TIAM1: variants seen among roughly 807,000 people sequenced by gnomAD.
TIAM1 encodes TIAM Rac1 associated GEF 1.
A neutral mutation model predicts 163.5 loss-of-function variants in TIAM1; 65 were observed. The observed-to-expected ratio is 0.40, with a 90% CI of 0.33 to 0.49. The LOEUF is 0.49. Among genes scored for constraint, TIAM1 ranks in the 20% least tolerant of loss-of-function variants. The pLI is 0.77. For synonymous variants in TIAM1, 833 were observed against 810.1 expected (o/e 1.03, Z -0.48); for missense variants, 1,789 against 2,044.7 (o/e 0.87, Z 2.41).
chr21:31,142,020 C>T (rs1023144127), intron 20 of TIAM1, among the ~76,000 whole-genome samples: 3 of 152,088 alleles, frequency 2.0e-5, no homozygotes, highest in African/African-American at 7.2e-5. Flanking sequence ...GCACACATCT[C>T]GGCTTCGAGT....
intron 2 of TIAM1, among the ~76,000 whole-genome samples, chr21:31,421,415 C>T (rs915709187): frequency 3.9e-5 from 6 of 152,172 alleles, no homozygotes; most frequent in African/African-American, 1.4e-4. Context: ...AGCTGGGCCA[C>T]ACAGCAGGAG....
At chr21:31,514,063 G>A (rs1439440245) in intron 1 of TIAM1, among the ~76,000 whole-genome samples, 1 of 152,014 alleles carries the variant, frequency 6.6e-6, no homozygotes, top group African/African-American at 2.4e-5. Context: ...GCGACAGAGG[G>A]ACATTTCTGG....
chr21:31,516,598 A>G (rs1350814787), intron 1 of TIAM1, among the ~76,000 whole-genome samples: 1 of 151,686 alleles, frequency 6.6e-6, no homozygotes, highest in African/African-American at 2.4e-5. Flanking sequence ...TTGCCTCATT[A>G]GAGCCACTGA....
intron 2 of TIAM1, among the ~76,000 whole-genome samples, chr21:31,368,113 G>T (rs1267997132): frequency 2.6e-5 from 4 of 152,098 alleles, no homozygotes. Flanking sequence ...TTATTTATAT[G>T]ATATTAAAGA....
At position 31,391,517 on chromosome 21, in the gene TIAM1, C is replaced by T. The variant is rs916976440; in HGVS notation, c.-368-52095G>A. Among the ~76,000 whole-genome samples, 116 of 152,086 alleles carry T rather than the reference C, an allele frequency of 7.6e-4. 2 individuals carry two copies. The highest frequency in any genetic ancestry group is 2.7e-3 in the African/African-American group (110 of 41,496). ...GCAGGCGCCTATAATCCCAGCTACT[C>T]GGGAGGCTGAGGCAGGAGAATCGCT... is the stretch of plus-strand genomic sequence containing the variant. On this transcript the variant is annotated intron_variant, in intron 2 of 28. Coordinates refer to the TIAM1 transcript ENST00000286827.
At chr21:31,245,837 G>A (rs1002493111) in intron 5 of TIAM1, among the ~76,000 whole-genome samples, 177 bp from the exon 6 acceptor site, 1 of 152,174 alleles carries the variant, frequency 6.6e-6, no homozygotes, top group Admixed American at 6.5e-5. Flanking sequence ...CCTAAAGAAG[G>A]ACAAAGATCT....
chr21:31,360,660 T>C (rs1043020330), intron 2 of TIAM1, among the ~76,000 whole-genome samples: 4 of 152,182 alleles, frequency 2.6e-5, no homozygotes, highest in Non-Finnish European at 4.4e-5. Context: ...GGAGATATTA[T>C]GCAGAATAAT....
chr21:31,520,285 C>T (rs575040150), intron 1 of TIAM1, among the ~76,000 whole-genome samples: 13 of 150,278 alleles, frequency 8.7e-5, no homozygotes, highest in African/African-American at 2.5e-4. Context: ...GAGCTGAGAT[C>T]GCGCCATTGC....
At chr21:31,383,642 G>A (rs1178896121) in intron 2 of TIAM1, among the ~76,000 whole-genome samples, 1 of 152,174 alleles carries the variant, frequency 6.6e-6, no homozygotes, top group Non-Finnish European at 1.5e-5. Flanking sequence ...CCTTGGGAAA[G>A]AAAACCTCCT....
At chr21:31,542,433 A>G (rs1405138555) in intron 1 of TIAM1, among the ~76,000 whole-genome samples, 1 of 151,866 alleles carries the variant, frequency 6.6e-6, no homozygotes, top group Non-Finnish European at 1.5e-5. Flanking sequence ...TCTCAAAAAA[A>G]AAGAAAAAAA....
intron 1 of TIAM1, among the ~76,000 whole-genome samples, chr21:31,521,623 G>C (rs776067773): frequency 7.2e-5 from 11 of 151,990 alleles, no homozygotes; most frequent in African/African-American, 2.7e-4. Flanking sequence ...TGTAGTCCCA[G>C]CTATTCAGGA....
intron 2 of TIAM1, among the ~76,000 whole-genome samples, chr21:31,379,938 G>A (rs935629934): frequency 6.6e-6 from 1 of 152,158 alleles, no homozygotes; most frequent in Non-Finnish European, 1.5e-5. Flanking sequence ...ACAATTTTGA[G>A]GATGGTGGCA....
At chr21:31,435,151 T>C (rs1388199020) in intron 2 of TIAM1, among the ~76,000 whole-genome samples, 1 of 152,180 alleles carries the variant, frequency 6.6e-6, no homozygotes, top group Non-Finnish European at 1.5e-5. Context: ...GAACTGAACC[T>C]GTTTGTAAAA....
At chr21:31,501,665 C>T (rs1185448788) in intron 1 of TIAM1, among the ~76,000 whole-genome samples, 5 of 151,822 alleles carry the variant, frequency 3.3e-5, no homozygotes, top group Admixed American at 6.6e-5. Context: ...TGCAGTGGCG[C>T]GATCTCGGCT....
intron 22 of TIAM1, among the ~76,000 whole-genome samples, chr21:31,139,963 C>T (rs1489187021): frequency 1.3e-5 from 2 of 152,208 alleles, no homozygotes; most frequent in East Asian, 1.9e-4. Flanking sequence ...GTCTCATTTA[C>T]AATTCACCTC....
chr21:31,138,479 T>C (rs943263601), intron 22 of TIAM1, among the ~76,000 whole-genome samples: 9 of 152,244 alleles, frequency 5.9e-5, no homozygotes, highest in Non-Finnish European at 1.0e-4. Context: ...CATCAATCCA[T>C]TCTAGGCTGT....
chr21:31,479,133 T>G (rs1326248728), intron 1 of TIAM1, among the ~76,000 whole-genome samples: 1 of 152,222 alleles, frequency 6.6e-6, no homozygotes, highest in Non-Finnish European at 1.5e-5. Context: ...TCTGCACAAC[T>G]TAGATTCCAC....
At chr21:31,193,644 C>CAG (rs2085676741) in intron 13 of TIAM1, among the ~76,000 whole-genome samples, 1 of 152,154 alleles carries the variant, frequency 6.6e-6, no homozygotes, top group Non-Finnish European at 1.5e-5. Context: ...ATGATTTAGG[C>CAG]AGAGAGCGAG....
At chr21:31,240,513 T>C (rs1056338847) in intron 6 of TIAM1, among the ~76,000 whole-genome samples, 13 of 152,148 alleles carry the variant, frequency 8.5e-5, no homozygotes, top group Non-Finnish European at 2.9e-5. Context: ...GTCTGACACA[T>C]GGAACTAAAC....
Sources: allele counts gnomAD v4.1 joint callset (sites outside exome capture counted in the v4.1 genomes callset), GRCh38; gene constraint gnomAD v4.1.1; transcripts MANE v1.5; gene names NCBI Gene and HGNC (gene_info 2026-07-23, HGNC 2026-07-21).